CRB1: variants seen among roughly 807,000 people sequenced by gnomAD.
CRB1 encodes the protein protein crumbs homolog 1.
A neutral mutation model predicts 120.0 loss-of-function variants in CRB1; 83 were observed. The ratio of observed to expected loss-of-function variants is 0.69; its 90% confidence interval spans 0.58 to 0.83. The LOEUF (loss-of-function observed/expected upper bound fraction) is 0.83. Among genes scored for constraint, CRB1 ranks in the 40% least tolerant of loss-of-function variants. The probability of loss-of-function intolerance (pLI) is 0.00; values close to 1 mark genes in which losing one functional copy is unlikely to be tolerated. For synonymous variants in CRB1, 625 were observed against 612.5 expected (o/e 1.02, Z -0.30); for missense variants, 1,699 against 1,687.6 (o/e 1.01, Z -0.12).
the CRB1 span, among the ~76,000 whole-genome samples, chr1:197,227,390 T>TTCC: frequency 6.7e-6 from 1 of 149,546 alleles, no homozygotes; most frequent in Non-Finnish European, 1.5e-5. Context: ...TTTTTTTCTT[T>TTCC]TTCTTTTTTT....
At chr1:197,443,477 T>C (rs1665557774) in intron 11 of CRB1, 1 of 151,990 alleles carries the variant, frequency 6.6e-6, no homozygotes, top group South Asian at 2.1e-4. Context: ...GACTTTTCTA[T>C]CAAATGGACT....
chr1:197,363,395 T>G (rs1660886407), intron 5 of CRB1, among the ~76,000 whole-genome samples: 1 of 152,166 alleles, frequency 6.6e-6, no homozygotes, highest in Non-Finnish European at 1.5e-5. Context: ...GGTATGCTAG[T>G]GACAATTTCT....
At chr1:197,222,400 C>G in the CRB1 span, 3 of 766,636 alleles carry the variant, frequency 3.9e-6, no homozygotes, top group African/African-American at 5.1e-5. Context: ...CCAGGACTTG[C>G]AGTAGGTGAC....
the CRB1 span, among the ~76,000 whole-genome samples, chr1:197,207,601 G>T: frequency 1.3e-5 from 2 of 152,200 alleles, no homozygotes; most frequent in Admixed American, 6.5e-5. Context: ...ATTCTGATAG[G>T]TTTTCCTTCA....
chr1:197,409,596 G>A (rs1022447373), intron 5 of CRB1, among the ~76,000 whole-genome samples: 5 of 152,022 alleles, frequency 3.3e-5, no homozygotes, highest in African/African-American at 1.2e-4. Context: ...GGAGCATGTT[G>A]TAGAGAACAA....
At chr1:197,426,051 A>G (rs888346623) in intron 6 of CRB1, among the ~76,000 whole-genome samples, 22 of 151,434 alleles carry the variant, frequency 1.5e-4, no homozygotes, top group Non-Finnish European at 2.5e-4. Flanking sequence ...GGCATCTCAA[A>G]TTTAATATGG....
intron 1 of CRB1, among the ~76,000 whole-genome samples, chr1:197,310,115 C>G (rs961839672): frequency 1.3e-5 from 2 of 152,126 alleles, no homozygotes; most frequent in Non-Finnish European, 2.9e-5. Context: ...ATAAATTTCT[C>G]TATGCACAGA....
At chr1:197,246,020 G>A in the CRB1 span, among the ~76,000 whole-genome samples, 1 of 152,198 alleles carries the variant, frequency 6.6e-6, no homozygotes, top group Non-Finnish European at 1.5e-5. Context: ...ACCATAGTGG[G>A]GAGGGGTACT....
the CRB1 span, among the ~76,000 whole-genome samples, chr1:197,220,773 G>A: frequency 6.6e-6 from 1 of 152,134 alleles, no homozygotes; most frequent in Non-Finnish European, 1.5e-5. Flanking sequence ...TGGTGATAGT[G>A]AGCTGATCAT....
At chr1:197,221,133 T>C in the CRB1 span, among the ~76,000 whole-genome samples, 1 of 152,068 alleles carries the variant, frequency 6.6e-6, no homozygotes, top group Non-Finnish European at 1.5e-5. Context: ...TAGAGTATAA[T>C]TAGGAAAATA....
At chr1:197,206,788 T>C in the CRB1 span, among the ~76,000 whole-genome samples, 1 of 152,168 alleles carries the variant, frequency 6.6e-6, no homozygotes. Context: ...ATTTTTTCTT[T>C]GTTTAATTTC....
At chr1:197,398,922 G>A (rs1246020662) in intron 5 of CRB1, among the ~76,000 whole-genome samples, 1 of 151,436 alleles carries the variant, frequency 6.6e-6, no homozygotes, top group East Asian at 1.9e-4. Flanking sequence ...GTGTGTGTGT[G>A]TGTGTGTGTG....
chr1:197,332,763 A>T (rs1658937795), intron 2 of CRB1, among the ~76,000 whole-genome samples: 2 of 152,166 alleles, frequency 1.3e-5, no homozygotes, highest in African/African-American at 4.8e-5. Flanking sequence ...CCAAATATTA[A>T]GTTCATGTGA....
chr1:197,405,599 T>G lies in CRB1; in HGVS notation c.1172-15401T>G, dbSNP rs1170479813. The stretch of plus-strand genomic sequence containing the variant: ...CCCAGTCTGGAAAGTGAGGAGCGTC[T>G]CTGCCCGGCCGCCATCCCATCTAGG... On this transcript the variant is annotated intron_variant, in intron 5 of 11. Coordinates refer to ENST00000367400, the MANE Select transcript of CRB1 (RefSeq NM_201253.3). 6.2e-4 allele frequency among the ~76,000 whole-genome samples: 94 copies of G among 151,350 alleles called. 1 individual carries two copies. The highest frequency in any genetic ancestry group is 6.1e-3 in the Admixed American group (93 of 15,242).
At chr1:197,265,618 G>A (rs750303333), upstream of CRB1, among the ~76,000 whole-genome samples, 8 of 152,120 alleles carry the variant, frequency 5.3e-5, no homozygotes, top group Non-Finnish European at 1.0e-4. Context: ...GCTGTTTCTT[G>A]TATAGGTGCC....
At chr1:197,362,082 T>A (rs946542026) in intron 5 of CRB1, among the ~76,000 whole-genome samples, 3 of 152,082 alleles carry the variant, frequency 2.0e-5, no homozygotes, top group Admixed American at 1.3e-4. Context: ...CTTTTTGACA[T>A]CCTTTTTGAC....
chr1:197,365,774 CG>C (rs1298385071), intron 5 of CRB1, among the ~76,000 whole-genome samples: 4 of 151,722 alleles, frequency 2.6e-5, no homozygotes, highest in Non-Finnish European at 4.4e-5. Context: ...TGTTGCTGAC[CG>C]GGGATCAGCA....
At chr1:197,374,451 CT>C (rs1463909600) in intron 5 of CRB1, among the ~76,000 whole-genome samples, 2 of 152,098 alleles carry the variant, frequency 1.3e-5, no homozygotes, top group Admixed American at 1.3e-4. Context: ...CTTGCCCCCC[CT>C]GCATGCCATT....
chr1:197,273,397 G>T (rs1655014044), intron 1 of CRB1, among the ~76,000 whole-genome samples: 2 of 152,008 alleles, frequency 1.3e-5, no homozygotes, highest in South Asian at 4.1e-4. Flanking sequence ...CTGGGAGGTG[G>T]TGTTATCAGG....
Sources: allele counts gnomAD v4.1 joint callset (sites outside exome capture counted in the v4.1 genomes callset), GRCh38; gene constraint gnomAD v4.1.1; transcripts MANE v1.5; gene names NCBI Gene and HGNC (gene_info 2026-07-23, HGNC 2026-07-21).